Variants in CCR9 observed in about 807,000 individuals in gnomAD.
CCR9 encodes the protein C-C chemokine receptor type 9.
In CCR9, 4 loss-of-function variants were observed where a neutral mutation model predicts 8.7. The ratio of observed to expected loss-of-function variants is 0.46; its 90% CI spans 0.23 to 1.06. CCR9 has a LOEUF of 1.06. Among genes scored for constraint, CCR9 ranks in the 50% least tolerant of loss-of-function variants. CCR9 has a pLI of 0.21. For synonymous variants in CCR9, 159 were observed against 168.8 expected, an observed-to-expected ratio of 0.94 and a Z score of 0.45; for missense variants, 394 against 453.6, an observed-to-expected ratio of 0.87 and a Z score of 1.19.
At chr3:45,897,381 G>A (rs1370920587) in intron 2 of CCR9, among the ~76,000 whole-genome samples, 4 of 152,174 alleles carry the variant, frequency 2.6e-5, no homozygotes, top group Non-Finnish European at 4.4e-5. Flanking sequence ...AAAAGCACGA[G>A]GTCCTTAATT....
rs934892728 is a variant in CCR9 at position 45,886,647 on chromosome 3, C to T, written c.-37C>T. 2 of 152,350 alleles carry T rather than the reference C, an allele frequency of 1.3e-5. No individual in the cohort carries two copies. The highest frequency in any genetic ancestry group is 4.8e-5 in the African/African-American group (2 of 41,450). 9.4% of individuals were successfully genotyped at this position (152,350 alleles called of 1,614,324 possible). On this transcript the variant is annotated 5_prime_UTR_variant, in exon 1 of 3. Transcript: ENST00000357632. ...TGCTGTCCCAGGGAGAGTTGCATCG[C>T]CCTCCACAGTGAGTATTGCTCTTCT...
At position 45,901,229 on chromosome 3, in the gene CCR9, C is replaced by A. The variant is rs1040223989; in HGVS notation, c.441C>A (p.Ala147=). ...IMCISVDRYI[A]IAQAMRAHTW... The stretch of plus-strand genomic sequence containing the variant: ...GCATCAGCGTGGACAGGTACATTGC[C>A]ATTGCCCAGGCCATGAGAGCACATA... The change falls in exon 3 of 3, where the codon GCC becomes GCA. Residue 147 remains alanine (A), a synonymous_variant. Coordinates refer to ENST00000357632, the MANE Select transcript of CCR9 (RefSeq NM_031200.3). The surrounding 1 kb of genome is among the most constrained non-coding windows in gnomAD (Gnocchi z 4.3). 6.2e-7 allele frequency: 1 copy of A among 1,614,048 alleles called. No homozygotes were observed. Among genetic ancestry groups the A allele is most frequent in the East Asian group, 2.2e-5 (1 of 44,894 alleles).
At chr3:45,890,919 G>C (rs1702159843) in intron 1 of CCR9, among the ~76,000 whole-genome samples, 1 of 152,188 alleles carries the variant, frequency 6.6e-6, no homozygotes, top group African/African-American at 2.4e-5. Context: ...TAATCCGTTA[G>C]GTGGGAAAAA....
At chr3:45,897,849 G>T (rs1702407485) in intron 2 of CCR9, among the ~76,000 whole-genome samples, 1 of 151,916 alleles carries the variant, frequency 6.6e-6, no homozygotes, top group African/African-American at 2.4e-5. Flanking sequence ...AGGAGAGCAG[G>T]CTTGCTGGAC....
intron 1 of CCR9, among the ~76,000 whole-genome samples, chr3:45,893,612 C>T (rs1171205729): frequency 6.6e-6 from 1 of 152,214 alleles, no homozygotes; most frequent in Non-Finnish European, 1.5e-5. Flanking sequence ...GGAGACTTGT[C>T]CATGTTGCTG....
At chr3:45,890,279 T>TATAAC (rs1553616516) in intron 1 of CCR9, among the ~76,000 whole-genome samples, 6,261 of 75,706 alleles carry the variant, frequency 0.083, 1,963 homozygotes, top group Non-Finnish European at 0.099. Flanking sequence ...AACATATATA[T>TATAAC]ATATTTATAT....
In CCR9 at chr3:45,897,639, C is replaced by T. The variant is rs1416796524; in HGVS notation, c.21+2685C>T. On this transcript the variant is annotated intron_variant, in intron 2 of 2. Transcript: ENST00000357632. ...CTCCTTCCAGGACCTTAGCCCAGGA[C>T]TAACACAGCTAAGTGATGCTGGCCT... The T allele has an allele frequency of 1.1e-5, 17 of 1,527,870 alleles. No individual in the cohort carries two copies. In the East Asian group the frequency reaches 4.2e-4, roughly 38 times the overall value. 94.6% of individuals were successfully genotyped at this position (1,527,870 alleles called of 1,614,324 possible).
chr3:45,898,325 G>A (rs191849098), intron 2 of CCR9, among the ~76,000 whole-genome samples: 1 of 152,314 alleles, frequency 6.6e-6, no homozygotes. Context: ...CTCCTGGCAT[G>A]TTTCTAAAAT....
chr3:45,887,534 T>C (rs576363103), intron 1 of CCR9, among the ~76,000 whole-genome samples: 2 of 152,338 alleles, frequency 1.3e-5, no homozygotes, highest in Admixed American at 1.3e-4. Flanking sequence ...TGTTACTCCA[T>C]AGACGGCTGG....
At chr3:45,895,039 G>A in intron 2 of CCR9, 85 bp downstream of exon 2, 1 of 1,357,440 alleles carries the variant, frequency 7.4e-7, no homozygotes, top group Non-Finnish European at 1.1e-6. Context: ...CCACTGTGGG[G>A]GAAGGATTTA....
intron 1 of CCR9, among the ~76,000 whole-genome samples, chr3:45,890,284 T>TAACATATA (rs1559421433): frequency 1.2e-5 from 1 of 81,872 alleles, no homozygotes; most frequent in Non-Finnish European, 2.2e-5. Context: ...ATATATATAT[T>TAACATATA]TATATAAATA....
At chr3:45,890,329 A>ATATT (rs1702129438) in intron 1 of CCR9, among the ~76,000 whole-genome samples, 1 of 73,156 alleles carries the variant, frequency 1.4e-5, no homozygotes, top group Non-Finnish European at 2.2e-5. Flanking sequence ...ATATAAATAT[A>ATATT]TATATAACAT....
chr3:45,901,475 C>A lies in CCR9; in HGVS notation c.687C>A (p.Val229=), dbSNP rs1468625224. Reference sequence around the variant, plus strand: ...TGGGGTTCTTCCTTCCCTTCGTGGTCATGGCTTGCTGCTATACCATCATCA... The same window carrying A: ...TGGGGTTCTTCCTTCCCTTCGTGGTAATGGCTTGCTGCTATACCATCATCA... ...VILGFFLPFV[V]MACCYTIIIH... The change falls in exon 3 of 3, where the codon GTC becomes GTA. Residue 229 remains valine (V), a synonymous_variant. Coordinates refer to ENST00000357632, the MANE Select transcript of CCR9 (RefSeq NM_031200.3). This position sits in a 1 kb window ranked among gnomAD's most constrained non-coding sequence, Gnocchi z 4.3. 6.2e-7 allele frequency: 1 copy of A among 1,614,152 alleles called. No homozygotes were observed. The highest frequency in any genetic ancestry group is 8.5e-7 in the Non-Finnish European group (1 of 1,180,020).
intron 2 of CCR9, among the ~76,000 whole-genome samples, chr3:45,899,176 A>C (rs1236603968): frequency 6.6e-6 from 1 of 152,242 alleles, no homozygotes; most frequent in African/African-American, 2.4e-5. Flanking sequence ...CAAAACAAAC[A>C]AACAAATAAA....
rs56325097 is a variant in CCR9 at position 45,901,059 on chromosome 3, G to A, written c.271G>A (p.Ala91Thr). The A allele has an allele frequency of 4.2e-5, 68 of 1,614,120 alleles. No individual in the cohort carries two copies. In the East Asian group the frequency reaches 1.4e-3, roughly 34 times the overall value. ...TMTDMFLLNLAIADLLFLVTL... is the reference protein window; with the variant it reads ...TMTDMFLLNLTIADLLFLVTL... ...GACCGACATGTTCCTTTTGAATTTG[G>A]CAATTGCTGACCTCCTCTTTCTTGT... Residue 91 changes from alanine (A) to threonine (T), a missense_variant, in exon 3 of 3, where the codon GCA becomes ACA. Ala to Thr is a moderately conservative substitution (Grantham distance 58). Coordinates refer to ENST00000357632, the MANE Select transcript of CCR9 (RefSeq NM_031200.3). This position sits in a 1 kb window ranked among gnomAD's most constrained non-coding sequence, Gnocchi z 4.3.
In CCR9 at chr3:45,901,979, G is replaced by C. The variant is rs1432929093; in HGVS notation, c.*81G>C. On this transcript the variant is annotated 3_prime_UTR_variant, in exon 3 of 3. Transcript: ENST00000357632. The surrounding 1 kb of genome is among the most constrained non-coding windows in gnomAD (Gnocchi z 4.3). ...GTTTCCCCACTGATGGGACCAGAGA[G>C]AGTGAAAGAGAAAAGAAAACTCAGA... 4 of 1,169,264 alleles carry C rather than the reference G, an allele frequency of 3.4e-6. No individual in the cohort carries two copies. Among genetic ancestry groups the C allele is most frequent in the Admixed American group, 5.1e-5 (2 of 39,130 alleles). 72.4% of individuals were successfully genotyped at this position (1,169,264 alleles called of 1,614,324 possible).
intron 1 of CCR9, 38 bp from the exon 2 acceptor site, chr3:45,894,868 C>T (rs1575299039): frequency 2.0e-6 from 3 of 1,497,270 alleles, no homozygotes; most frequent in Admixed American, 1.7e-5. Context: ...TATTCGTTTA[C>T]AAGCCAGTCC....
In CCR9 at chr3:45,902,578, C is replaced by T. The variant is rs202014793; in HGVS notation, c.*680C>T. The stretch of plus-strand genomic sequence containing the variant: ...CATCCAAAGTCTGTTGGCTTCCAAT[C>T]CATTTCTGTGTCCTGCTGGAGGTTT... On this transcript the variant is annotated 3_prime_UTR_variant, in exon 3 of 3. Coordinates refer to ENST00000357632, the MANE Select transcript of CCR9 (RefSeq NM_031200.3). 131 of 167,318 alleles carry T rather than the reference C, an allele frequency of 7.8e-4. 2 individuals carry two copies. Among genetic ancestry groups the T allele is most frequent in the Non-Finnish European group, 1.6e-3 (112 of 68,176 alleles). 10.4% of individuals were successfully genotyped at this position (167,318 alleles called of 1,614,324 possible).
At chr3:45,890,565 C>G (rs771454769) in intron 1 of CCR9, among the ~76,000 whole-genome samples, 25 of 151,090 alleles carry the variant, frequency 1.7e-4, no homozygotes, top group Admixed American at 8.7e-4. Context: ...TATTTCAAAA[C>G]AGAGGCTCAC....
Sources: gnomAD v4.1 joint callset for allele counts (sites outside exome capture counted in the v4.1 genomes callset) on GRCh38, gnomAD v4.1.1 for gene constraint, Gnocchi (gnomAD v3.1) non-coding constraint, MANE v1.5 for transcripts, NCBI Gene and HGNC (gene_info 2026-07-23, HGNC 2026-07-21) for gene names.